DENND5B: variants seen among roughly 807,000 people sequenced by gnomAD.
DENND5B encodes the protein DENN domain containing 5B.
In DENND5B, 34 loss-of-function variants were observed where a neutral mutation model predicts 140.6. That is an observed-to-expected ratio of 0.24 (90% CI 0.18 to 0.32). The LOEUF (loss-of-function observed/expected upper bound fraction) is 0.32, where lower values mean the gene tolerates loss of function less well. DENND5B is among the 10% of genes least tolerant of loss of function. The pLI is 1.00. For synonymous variants in DENND5B, 551 were observed against 562.1 expected, an observed-to-expected ratio of 0.98 and a Z score of 0.28; for missense variants, 1,142 against 1,560.2, an observed-to-expected ratio of 0.73 and a Z score of 4.52.
intron 7 of DENND5B, among the ~76,000 whole-genome samples, chr12:31,441,176 C>T (rs1002398668): frequency 6.6e-6 from 1 of 152,132 alleles, no homozygotes; most frequent in Admixed American, 6.5e-5. Flanking sequence ...AATCCTGTCT[C>T]TATAAAAAAA....
chr12:31,456,287 G>A (rs966822612), intron 4 of DENND5B, among the ~76,000 whole-genome samples: 3 of 145,500 alleles, frequency 2.1e-5, no homozygotes, highest in Non-Finnish European at 4.4e-5. Flanking sequence ...CTGAGACGGC[G>A]CCACTGCACT....
rs547499938 is a variant in DENND5B, at chr12:31,414,425, C to G, written c.2553-861G>C. On this transcript the variant is annotated intron_variant, in intron 12 of 20. Transcript: ENST00000389082. ...CTAAATCTACCTGATTGCAATTGTT[C>G]TGCCACATATCCTGCCATTATTTGC... 1.3e-4 allele frequency among the ~76,000 whole-genome samples: 20 copies of G among 152,254 alleles called. No individual in the cohort carries two copies. In the Middle Eastern group the frequency reaches 0.01, roughly 78 times the overall value.
intron 1 of DENND5B, among the ~76,000 whole-genome samples, chr12:31,535,446 A>G (rs12820958): frequency 6.6e-6 from 1 of 152,086 alleles, no homozygotes; most frequent in Non-Finnish European, 1.5e-5. Flanking sequence ...ACATACACAC[A>G]CACACACACT....
chr12:31,522,251 G>A (rs4931512), intron 1 of DENND5B, among the ~76,000 whole-genome samples: 64,180 of 151,916 alleles, frequency 0.42, 13,967 homozygotes, highest in Admixed American at 0.57. Context: ...TTGTGCAGTA[G>A]AAAAGGCTAA....
chr12:31,576,811 A>G (rs1190681105), intron 1 of DENND5B, among the ~76,000 whole-genome samples: 1 of 151,722 alleles, frequency 6.6e-6, no homozygotes, highest in African/African-American at 2.4e-5. Flanking sequence ...GGATCACTTG[A>G]GCCCAGGAGT....
At chr12:31,441,633 C>T (rs1944037220) in intron 7 of DENND5B, among the ~76,000 whole-genome samples, 1 of 152,108 alleles carries the variant, frequency 6.6e-6, no homozygotes, top group Non-Finnish European at 1.5e-5. Context: ...AGGCATGTGC[C>T]ACCACACCCA....
intron 1 of DENND5B, among the ~76,000 whole-genome samples, chr12:31,580,499 T>G (rs1027788723): frequency 6.6e-6 from 1 of 152,170 alleles, no homozygotes; most frequent in African/African-American, 2.4e-5. Flanking sequence ...TATTTTATTT[T>G]ATTTTTAATT....
chr12:31,459,509 G>A (rs112892092), intron 4 of DENND5B, among the ~76,000 whole-genome samples: 15,063 of 151,948 alleles, frequency 0.099, 894 homozygotes, highest in East Asian at 0.25. Flanking sequence ...AGGATGGTCT[G>A]GATCTCTTGA....
intron 4 of DENND5B, among the ~76,000 whole-genome samples, chr12:31,459,213 G>GAA (rs35939799): frequency 6.2e-4 from 92 of 148,618 alleles, no homozygotes; most frequent in African/African-American, 9.1e-4. Flanking sequence ...CAAAAGAAAA[G>GAA]AAAAAAAAAA....
At chr12:31,418,167 G>A (rs890655712) in intron 11 of DENND5B, among the ~76,000 whole-genome samples, 1 of 152,090 alleles carries the variant, frequency 6.6e-6, no homozygotes, top group African/African-American at 2.4e-5. Context: ...GTTTCAATGG[G>A]GCACTAGACC....
At chr12:31,420,741 G>C (rs912587978) in intron 11 of DENND5B, among the ~76,000 whole-genome samples, 1 of 152,094 alleles carries the variant, frequency 6.6e-6, no homozygotes, top group Admixed American at 6.5e-5. Flanking sequence ...ACCACACTCA[G>C]TCCTCCCAAC....
chr12:31,465,526 C>T (rs928280739), intron 3 of DENND5B: 1 of 152,240 alleles, frequency 6.6e-6, no homozygotes, highest in East Asian at 1.9e-4. Flanking sequence ...CACCACCATG[C>T]CTGGCTAATT....
chr12:31,536,934 A>G lies in DENND5B; in HGVS notation c.128-41015T>C, dbSNP rs892510819. Among the ~76,000 whole-genome samples, 6 of 152,326 alleles carry G rather than the reference A, an allele frequency of 3.9e-5. No homozygotes were observed. The East Asian group carries it at 1.2e-3, about 29-fold the overall frequency. On this transcript the variant is annotated intron_variant, in intron 1 of 20. Transcript: ENST00000389082. Reference sequence around the variant, plus strand: ...GAAGAGAGTTGCATAACATATTTAAAGTGCTGAAGGAAAAAAACTTTTACC... The same window carrying G: ...GAAGAGAGTTGCATAACATATTTAAGGTGCTGAAGGAAAAAAACTTTTACC...
intron 3 of DENND5B, among the ~76,000 whole-genome samples, chr12:31,473,907 C>T (rs1157050790): frequency 6.6e-6 from 1 of 152,168 alleles, no homozygotes; most frequent in Non-Finnish European, 1.5e-5. Flanking sequence ...GACTTTGGAA[C>T]TGTAGGAGAA....
At chr12:31,584,583 G>A (rs1328204066) in intron 1 of DENND5B, among the ~76,000 whole-genome samples, 1 of 152,130 alleles carries the variant, frequency 6.6e-6, no homozygotes, top group Non-Finnish European at 1.5e-5. Context: ...GGAGGCCAAG[G>A]ATGGGTGGAC....
intron 1 of DENND5B, among the ~76,000 whole-genome samples, chr12:31,550,765 T>A (rs879841378): frequency 6.6e-6 from 1 of 152,184 alleles, no homozygotes; most frequent in Non-Finnish European, 1.5e-5. Context: ...TTCCAACTGG[T>A]GTGAGATGGT....
chr12:31,423,019 C>T (rs1273194704), intron 11 of DENND5B, among the ~76,000 whole-genome samples: 2 of 151,200 alleles, frequency 1.3e-5, no homozygotes, highest in African/African-American at 4.9e-5. Flanking sequence ...CGGCTCACTG[C>T]AACCTTTGCC....
intron 9 of DENND5B, among the ~76,000 whole-genome samples, chr12:31,425,946 A>G (rs1055594518): frequency 6.6e-6 from 1 of 152,240 alleles, no homozygotes; most frequent in Non-Finnish European, 1.5e-5. Flanking sequence ...AAGGTTGTAC[A>G]CAGGTGCATA....
chr12:31,454,675 C>T (rs1944687472), intron 4 of DENND5B, among the ~76,000 whole-genome samples: 1 of 151,940 alleles, frequency 6.6e-6, no homozygotes, highest in Admixed American at 6.6e-5. Flanking sequence ...GAACTCCTGA[C>T]CTCGTAATCC....
Sources: allele counts gnomAD v4.1 joint callset (sites outside exome capture counted in the v4.1 genomes callset), GRCh38; gene constraint gnomAD v4.1.1; transcripts MANE v1.5; gene names NCBI Gene and HGNC (gene_info 2026-07-23, HGNC 2026-07-21).